The following UGT8 variants were observed in gnomAD, a reference collection of about 807,000 sequenced individuals.
UGT8 encodes 2-hydroxyacylsphingosine 1-beta-galactosyltransferase.
A neutral mutation model predicts 40.5 loss-of-function variants in UGT8; 12 were observed. The observed-to-expected ratio is 0.30, with a 90% CI of 0.19 to 0.48. The LOEUF is 0.48. Among genes scored for constraint, UGT8 ranks in the 20% least tolerant of loss-of-function variants. The pLI is 0.99. For synonymous variants in UGT8, 224 were observed against 240.4 expected (o/e 0.93, Z 0.63); for missense variants, 513 against 648.7 (o/e 0.79, Z 2.27).
At chr4:114,640,062 G>A (rs1202368428) in intron 2 of UGT8, among the ~76,000 whole-genome samples, 4 of 139,574 alleles carry the variant, frequency 2.9e-5, no homozygotes, top group Non-Finnish European at 3.1e-5. Context: ...ACGGAGTCTC[G>A]CTCTGTCGCC....
In UGT8 at chr4:114,655,884, C is replaced by A. The variant is rs6834278; in HGVS notation, c.823-8111C>A. On this transcript the variant is annotated intron_variant, in intron 2 of 5. Coordinates refer to ENST00000310836, the MANE Select transcript of UGT8 (RefSeq NM_001128174.3). ...CCTTTATTTGCTATGTCTTTAGGCT[C>A]CTTCTTGAACACTTACTCAGTGTTT... Among the ~76,000 whole-genome samples the A allele has an allele frequency of 3.1e-3, 469 of 152,176 alleles. 2 individuals carry two copies. Among genetic ancestry groups the A allele is most frequent in the African/African-American group, 0.011 (448 of 41,524 alleles).
chr4:114,627,754 C>T (rs947518651), intron 2 of UGT8, among the ~76,000 whole-genome samples: 5 of 152,180 alleles, frequency 3.3e-5, no homozygotes, highest in Admixed American at 1.3e-4. Flanking sequence ...AAATGGCCTA[C>T]GCTGCCAGGC....
chr4:114,659,473 A>G (rs921448573), intron 2 of UGT8, among the ~76,000 whole-genome samples: 5 of 152,094 alleles, frequency 3.3e-5, no homozygotes, highest in African/African-American at 1.2e-4. Flanking sequence ...CCTTATTGTG[A>G]TCATTTTCTT....
At chr4:114,630,638 G>A (rs1304094050) in intron 2 of UGT8, among the ~76,000 whole-genome samples, 1 of 151,242 alleles carries the variant, frequency 6.6e-6, no homozygotes, top group African/African-American at 2.4e-5. Flanking sequence ...CCATCTTGGG[G>A]ATTTTTTTTT....
chr4:114,616,017 G>T (rs1731401643), intron 1 of UGT8, among the ~76,000 whole-genome samples: 1 of 152,118 alleles, frequency 6.6e-6, no homozygotes, highest in South Asian at 2.1e-4. Context: ...CTTACTGGGG[G>T]GTGCCTCCCA....
In UGT8 at chr4:114,676,475, T is replaced by C; in HGVS notation, c.*187T>C. 2 of 535,372 alleles carry C rather than the reference T, an allele frequency of 3.7e-6. No individual in the cohort carries two copies. The highest frequency in any genetic ancestry group is 9.8e-4 in the Middle Eastern group (2 of 2,044). The allele number at this position is 535,372 out of a possible 1,614,324, so 33.2% of individuals were successfully genotyped here. On this transcript the variant is annotated 3_prime_UTR_variant, in exon 6 of 6. Coordinates refer to ENST00000310836, the MANE Select transcript of UGT8 (RefSeq NM_001128174.3). ...AGCACAAACCTAAAATGCAGAAATG[T>C]ATTTTATTCAAATACTGATGTAGAG...
intron 2 of UGT8, among the ~76,000 whole-genome samples, chr4:114,632,850 T>C (rs1489087570): frequency 6.6e-6 from 1 of 152,194 alleles, no homozygotes; most frequent in Non-Finnish European, 1.5e-5. Context: ...CAAAAGTCAA[T>C]ACAGTTGCCT....
intron 1 of UGT8, among the ~76,000 whole-genome samples, chr4:114,604,581 A>G (rs1730628016): frequency 6.6e-6 from 1 of 151,800 alleles, no homozygotes; most frequent in Non-Finnish European, 1.5e-5. Context: ...AACATTTTAA[A>G]TTAGATTTCT....
At chr4:114,663,864 T>C in intron 2 of UGT8, 131 bp from the exon 3 acceptor site, 1 of 1,439,880 alleles carries the variant, frequency 6.9e-7, no homozygotes, top group Non-Finnish European at 9.1e-7. Context: ...TAGAAGAAAA[T>C]ATCATATCCT....
intron 1 of UGT8, among the ~76,000 whole-genome samples, chr4:114,602,331 C>T (rs1035203621): frequency 3.9e-5 from 6 of 152,090 alleles, no homozygotes; most frequent in Admixed American, 1.3e-4. Context: ...TTTTCTACCC[C>T]GGAAGTCCAG....
rs559172034 is a variant in UGT8 at position 114,665,726 on chromosome 4, A to T, written c.1012A>T (p.Ile338Leu). 3.7e-6 allele frequency: 6 copies of T among 1,610,988 alleles called. No homozygotes were observed. The highest frequency in any genetic ancestry group is 1.7e-5 in the Admixed American group (1 of 59,556). ...PKNLGNNTKL[I>L]EWLPQNDLLG... The stretch of plus-strand genomic sequence containing the variant: ...GAATCTAGGAAACAACACTAAACTC[A>T]TAGAATGGTTACCACAAAATGACCT... The change falls in exon 4 of 6, where the codon ATA (isoleucine) becomes TTA (leucine). Residue 338 changes from isoleucine (I) to leucine (L), a missense_variant. Transcript: ENST00000310836.
chr4:114,651,122 A>G (rs1343629045), intron 2 of UGT8, among the ~76,000 whole-genome samples: 1 of 152,096 alleles, frequency 6.6e-6, no homozygotes, highest in Non-Finnish European at 1.5e-5. Flanking sequence ...GAACTTGACA[A>G]GATATTTGAG....
chr4:114,666,658 G>A lies in UGT8; in HGVS notation c.1042+902G>A, dbSNP rs75412110. 6.1e-3 allele frequency among the ~76,000 whole-genome samples: 930 copies of A among 152,230 alleles called. 11 individuals carry two copies. The highest frequency in any genetic ancestry group is 0.021 in the African/African-American group (887 of 41,550). On this transcript the variant is annotated intron_variant, in intron 4 of 5. Coordinates refer to ENST00000310836, the MANE Select transcript of UGT8 (RefSeq NM_001128174.3). ...ACCTGACTATCAACTATTTCAGTGC[G>A]ACAGTGTGACACTGTTATGTATGAA... is the stretch of plus-strand genomic sequence containing the variant.
chr4:114,640,191 T>C (rs906898218), intron 2 of UGT8, among the ~76,000 whole-genome samples: 12 of 151,792 alleles, frequency 7.9e-5, no homozygotes, highest in African/African-American at 2.9e-4. Context: ...CCACCACGCC[T>C]GGCTAATTTT....
chr4:114,635,727 A>G (rs1209168903), intron 2 of UGT8, among the ~76,000 whole-genome samples: 1 of 152,196 alleles, frequency 6.6e-6, no homozygotes, highest in Non-Finnish European at 1.5e-5. Flanking sequence ...AGTTTTAAGT[A>G]TATCGCTTTG....
chr4:114,639,664 GC>G (rs1310924422), intron 2 of UGT8, among the ~76,000 whole-genome samples: 8 of 152,218 alleles, frequency 5.3e-5, no homozygotes, highest in African/African-American at 1.9e-4. Context: ...TTAACACAAG[GC>G]AAACCTGTGT....
chr4:114,659,757 A>G (rs1734405890), intron 2 of UGT8, among the ~76,000 whole-genome samples: 2 of 152,360 alleles, frequency 1.3e-5, no homozygotes, highest in Admixed American at 6.5e-5. Flanking sequence ...TGAGTTACCA[A>G]AAAAGATGGG....
At chr4:114,644,028 G>T (rs1296209575) in intron 2 of UGT8, among the ~76,000 whole-genome samples, 2 of 151,854 alleles carry the variant, frequency 1.3e-5, no homozygotes, top group Non-Finnish European at 2.9e-5. Flanking sequence ...CAGCCATGGT[G>T]CCTTTCTTCT....
rs117461418 is a variant in UGT8, at chr4:114,609,253, A to G, written c.-3+10279A>G. ...GCAACATAGTGAGACCTTGTCTCTT[A>G]AAAAAAGAATATATTTTAAGAAAAT... On this transcript the variant is annotated intron_variant, in intron 1 of 5. Transcript: ENST00000310836. Among the ~76,000 whole-genome samples the G allele has an allele frequency of 4.5e-3, 685 of 152,252 alleles. 14 individuals carry two copies. The highest frequency in any genetic ancestry group is 0.015 in the East Asian group (80 of 5,178).
Sources: allele counts gnomAD v4.1 joint callset (sites outside exome capture counted in the v4.1 genomes callset), GRCh38; gene constraint gnomAD v4.1.1; transcripts MANE v1.5; gene names NCBI Gene and HGNC (gene_info 2026-07-23, HGNC 2026-07-21).